The following PRKN variants were observed in gnomAD, a reference collection of about 807,000 sequenced individuals.
PRKN encodes parkin RBR E3 ubiquitin protein ligase, also known as E3 ubiquitin-protein ligase parkin.
PRKN carries 56 observed loss-of-function variants against 59.5 expected under a neutral mutation model. That is an observed-to-expected ratio of 0.94 (90% CI 0.76 to 1.18). The LOEUF is 1.18. Ranked by LOEUF, PRKN falls within the 50% of genes most tolerant of loss-of-function variation. PRKN has a pLI of 0.00. For synonymous variants in PRKN, 250 were observed against 222.1 expected (o/e 1.13, Z -1.12); for missense variants, 657 against 596.4 (o/e 1.10, Z -1.06).
chr6:162,361,937 T>C (rs1307304876), intron 2 of PRKN, among the ~76,000 whole-genome samples: 3 of 152,136 alleles, frequency 2.0e-5, no homozygotes, highest in Non-Finnish European at 1.5e-5. Flanking sequence ...AGCTGGCAAT[T>C]ACAATTCCAC....
At chr6:162,359,079 A>AAAAAAAAAAATATATATATATATAT (rs57265104) in intron 2 of PRKN, among the ~76,000 whole-genome samples, 13 of 83,224 alleles carry the variant, frequency 1.6e-4, no homozygotes, top group African/African-American at 8.8e-4. Flanking sequence ...AAAAAAAAAA[A>AAAAAAAAAAATATATATATATATAT]ATATATATAT....
At chr6:161,679,682 C>CCG (rs1554292002) in intron 7 of PRKN, among the ~76,000 whole-genome samples, 5 of 134,220 alleles carry the variant, frequency 3.7e-5, no homozygotes, top group African/African-American at 8.5e-5. Context: ...CCACCCCCCC[C>CCG]CCTTTTTTTT....
At chr6:162,582,858 T>G (rs1780842804) in intron 1 of PRKN, among the ~76,000 whole-genome samples, 1 of 152,220 alleles carries the variant, frequency 6.6e-6, no homozygotes, top group Non-Finnish European at 1.5e-5. Context: ...TACTTTGCTA[T>G]GCTTCCTTGC....
At chr6:161,534,379 C>CA (rs1296567365) in intron 9 of PRKN, among the ~76,000 whole-genome samples, 1 of 152,164 alleles carries the variant, frequency 6.6e-6, no homozygotes, top group Non-Finnish European at 1.5e-5. Flanking sequence ...ATGATTGATA[C>CA]AACGATGAGT....
At chr6:162,034,799 T>C (rs1582930702) in intron 5 of PRKN, among the ~76,000 whole-genome samples, 1 of 152,344 alleles carries the variant, frequency 6.6e-6, no homozygotes, top group Non-Finnish European at 1.5e-5. Flanking sequence ...AGGAAAAATA[T>C]AGCCCATATG....
Position 162,406,125 on chromosome 6 carries a change from T to C in PRKN, c.171+37185A>G, listed in dbSNP as rs565862655. 5.9e-5 allele frequency among the ~76,000 whole-genome samples: 9 copies of C among 152,336 alleles called. No homozygotes were observed. In the South Asian group the frequency reaches 1.9e-3, roughly 32 times the overall value. ...CAGCTACCATTTAGCAAGGGCTTTT[T>C]ATGTGCCAGGCACCAAACTCAACAC... is the stretch of plus-strand genomic sequence containing the variant. On this transcript the variant is annotated intron_variant, in intron 2 of 11. Coordinates refer to ENST00000366898, the MANE Select transcript of PRKN (RefSeq NM_004562.3).
At chr6:162,599,800 T>C (rs539409462) in intron 1 of PRKN, among the ~76,000 whole-genome samples, 4 of 152,186 alleles carry the variant, frequency 2.6e-5, no homozygotes, top group Admixed American at 6.6e-5. Context: ...TCAACAACAA[T>C]AGTAACAACA....
chr6:161,386,802 T>C lies in PRKN; in HGVS notation c.1159A>G (p.Thr387Ala), dbSNP rs753025419. The change falls in exon 10 of 12, where the codon ACT becomes GCT. Residue 387 changes from threonine to alanine, a missense_variant. By Grantham distance (58) the Thr-to-Ala change is moderately conservative. Coordinates refer to ENST00000366898, the MANE Select transcript of PRKN (RefSeq NM_004562.3). The surrounding 1 kb of genome is among the most constrained non-coding windows in gnomAD (Gnocchi z 4.3). ...CSAVFEASGT[T>A]TQAYRVDERA... Reference sequence around the variant, plus strand: ...AGTAGGGCATTCTGTACCTGAGTAGTTGTTCCTGAGGCTTCAAATACGGCA... The same window carrying C: ...AGTAGGGCATTCTGTACCTGAGTAGCTGTTCCTGAGGCTTCAAATACGGCA... The C allele has an allele frequency of 4.3e-6, 7 of 1,612,384 alleles. No homozygotes were observed. The highest frequency in any genetic ancestry group is 5.1e-6 in the Non-Finnish European group (6 of 1,178,450).
At chr6:161,694,689 T>A (rs1476387526) in intron 7 of PRKN, among the ~76,000 whole-genome samples, 1 of 152,216 alleles carries the variant, frequency 6.6e-6, no homozygotes, top group African/African-American at 2.4e-5. Flanking sequence ...AAATAGTGAA[T>A]CTTCTTGGAA....
intron 2 of PRKN, among the ~76,000 whole-genome samples, chr6:162,280,443 T>G (rs1230888349): frequency 2.6e-5 from 4 of 151,922 alleles, no homozygotes; most frequent in African/African-American, 7.3e-5. Context: ...AGATCTAGAA[T>G]TGACACCCTA....
At chr6:161,964,441 G>C (rs1364308260) in intron 6 of PRKN, among the ~76,000 whole-genome samples, 2 of 151,982 alleles carry the variant, frequency 1.3e-5, no homozygotes, top group African/African-American at 4.8e-5. Context: ...TTTCAGAAAA[G>C]AATCACTCCT....
intron 6 of PRKN, among the ~76,000 whole-genome samples, chr6:161,790,422 T>C (rs1277712372): frequency 6.6e-6 from 1 of 152,206 alleles, no homozygotes; most frequent in Non-Finnish European, 1.5e-5. Flanking sequence ...TGGGATTCAC[T>C]GAAGGTTTCT....
intron 5 of PRKN, among the ~76,000 whole-genome samples, chr6:162,020,710 T>C (rs1302054055): frequency 1.3e-5 from 2 of 152,190 alleles, no homozygotes; most frequent in Admixed American, 1.3e-4. Flanking sequence ...TTGATTTTTT[T>C]CTCACATATA....
intron 1 of PRKN, among the ~76,000 whole-genome samples, chr6:162,484,551 G>C (rs911674401): frequency 6.6e-6 from 1 of 152,206 alleles, no homozygotes; most frequent in Non-Finnish European, 1.5e-5. Flanking sequence ...CTTAGCAGGT[G>C]TAAGAAGACA....
intron 1 of PRKN, among the ~76,000 whole-genome samples, chr6:162,492,848 G>A (rs889906387): frequency 1.3e-5 from 2 of 151,730 alleles, no homozygotes; most frequent in African/African-American, 4.8e-5. Context: ...AGCTACCCAG[G>A]AGGCTAAGGC....
intron 3 of PRKN, among the ~76,000 whole-genome samples, chr6:162,243,229 C>G (rs1779062568): frequency 6.6e-6 from 1 of 152,064 alleles, no homozygotes; most frequent in African/African-American, 2.4e-5. Flanking sequence ...AAATCACATT[C>G]TGCTGTTGCT....
intron 6 of PRKN, among the ~76,000 whole-genome samples, chr6:161,896,519 C>T (rs1208922930): frequency 4.6e-5 from 7 of 152,174 alleles, no homozygotes; most frequent in South Asian, 4.1e-4. Context: ...CCTCAGTCAA[C>T]GCCATATAGA....
intron 6 of PRKN, among the ~76,000 whole-genome samples, chr6:161,800,979 G>A (rs958826150): frequency 3.9e-5 from 6 of 152,080 alleles, no homozygotes; most frequent in Non-Finnish European, 8.8e-5. Context: ...CCTAATGCTG[G>A]GCCTGTACCT....
At chr6:162,469,509 TACACACACACACACACAC>T (rs74725154) in intron 1 of PRKN, among the ~76,000 whole-genome samples, 36 of 149,024 alleles carry the variant, frequency 2.4e-4, no homozygotes, top group African/African-American at 6.7e-4. Context: ...TGTGTGTGTA[TACACACACACACACACAC>T]ACATACACAT....
Sources: allele counts gnomAD v4.1 joint callset (sites outside exome capture counted in the v4.1 genomes callset), GRCh38; gene constraint gnomAD v4.1.1; non-coding constraint Gnocchi (gnomAD v3.1); transcripts MANE v1.5; gene names NCBI Gene and HGNC (gene_info 2026-07-23, HGNC 2026-07-21).